The following PRKG1 variants were observed in gnomAD, a reference collection of about 807,000 sequenced individuals.
The protein encoded by PRKG1 is protein kinase cGMP-dependent 1.
PRKG1 carries 35 observed loss-of-function variants against 88.1 expected under a neutral mutation model. That is an observed-to-expected ratio of 0.40 (90% CI 0.30 to 0.53). The LOEUF (loss-of-function observed/expected upper bound fraction) is 0.53, where lower values mean the gene tolerates loss of function less well. PRKG1 is among the 20% of genes least tolerant of loss of function. The pLI is 0.59. For missense variants in PRKG1, 540 were observed against 839.8 expected, an observed-to-expected ratio of 0.64 and a Z score of 4.41; for synonymous variants, 303 against 292.5, an observed-to-expected ratio of 1.04 and a Z score of -0.37.
At chr10:51,073,133 T>C (rs1225573808), upstream of PRKG1, among the ~76,000 whole-genome samples, 1 of 152,182 alleles carries the variant, frequency 6.6e-6, no homozygotes, top group East Asian at 1.9e-4. Context: ...GGCAGATATT[T>C]GGGGATTCTA....
intron 2 of PRKG1, among the ~76,000 whole-genome samples, chr10:51,310,347 A>G (rs1169123103): frequency 2.6e-5 from 4 of 152,242 alleles, no homozygotes; most frequent in Admixed American, 1.3e-4. Context: ...ACTTTTTAAA[A>G]AAGAACCTAT....
chr10:51,917,134 A>G (rs1316284658), intron 5 of PRKG1, among the ~76,000 whole-genome samples: 4 of 152,066 alleles, frequency 2.6e-5, no homozygotes, highest in Non-Finnish European at 5.9e-5. Context: ...CCTGCCCAAC[A>G]TGGTGAAACC....
chr10:51,131,303 A>G (rs1845560462), intron 1 of PRKG1, among the ~76,000 whole-genome samples: 3 of 152,220 alleles, frequency 2.0e-5, no homozygotes, highest in African/African-American at 7.2e-5. Context: ...ATTTTTGTAG[A>G]GTTTATTCTA....
chr10:51,585,788 A>G (rs1023918504), intron 3 of PRKG1, among the ~76,000 whole-genome samples: 2 of 152,204 alleles, frequency 1.3e-5, no homozygotes, highest in African/African-American at 2.4e-5. Context: ...CTACACAGCT[A>G]TAAGAAGGAG....
chr10:51,398,451 TATGGG>T (rs1837641027), intron 2 of PRKG1, among the ~76,000 whole-genome samples: 2 of 152,144 alleles, frequency 1.3e-5, no homozygotes, highest in African/African-American at 4.8e-5. Flanking sequence ...CATGGACTGA[TATGGG>T]GTCCACGCCC....
At chr10:52,134,306 A>G (rs1837345153) in intron 8 of PRKG1, among the ~76,000 whole-genome samples, 2 of 152,118 alleles carry the variant, frequency 1.3e-5, no homozygotes, top group South Asian at 4.1e-4. Flanking sequence ...GAAATGGGTT[A>G]TTTTTTTAGT....
chr10:51,334,777 T>A (rs1160422244), intron 2 of PRKG1, among the ~76,000 whole-genome samples: 1 of 151,778 alleles, frequency 6.6e-6, no homozygotes, highest in East Asian at 1.9e-4. Context: ...AATAGAGGAG[T>A]TAAAGAAGCT....
At chr10:51,310,719 G>A (rs914242166) in intron 2 of PRKG1, among the ~76,000 whole-genome samples, 1 of 151,994 alleles carries the variant, frequency 6.6e-6, no homozygotes, top group African/African-American at 2.4e-5. Flanking sequence ...ATGTTACTGA[G>A]TGCCTTCTAT....
At chr10:51,905,392 A>G (rs1236406937) in intron 4 of PRKG1, among the ~76,000 whole-genome samples, 1 of 152,192 alleles carries the variant, frequency 6.6e-6, no homozygotes, top group African/African-American at 2.4e-5. Flanking sequence ...TGCTTTTACC[A>G]AAAGAGAGCA....
intron 3 of PRKG1, among the ~76,000 whole-genome samples, chr10:51,658,336 G>T (rs1168152918): frequency 6.6e-6 from 1 of 152,056 alleles, no homozygotes; most frequent in Non-Finnish European, 1.5e-5. Context: ...CAGTCACCTA[G>T]ATTAAAATAC....
chr10:51,074,936 C>A (rs767735393), intron 1 of PRKG1, 35 bp downstream of exon 1: 1 of 1,548,252 alleles, frequency 6.5e-7, no homozygotes, highest in East Asian at 2.4e-5. Context: ...CCATGTGGCG[C>A]CCTGGCGATG....
At chr10:51,324,486 G>A (rs887515719) in intron 2 of PRKG1, among the ~76,000 whole-genome samples, 1 of 150,760 alleles carries the variant, frequency 6.6e-6, no homozygotes, top group African/African-American at 2.4e-5. Context: ...GGTGGCTCAC[G>A]CCAGGCCGAG....
At chr10:52,110,526 C>G (rs1323635348) in intron 7 of PRKG1, among the ~76,000 whole-genome samples, 1 of 151,790 alleles carries the variant, frequency 6.6e-6, no homozygotes, top group East Asian at 1.9e-4. Flanking sequence ...ATTTTTTTCT[C>G]AATTGAGAAA....
chr10:52,220,880 G>A (rs1840228518), intron 9 of PRKG1, among the ~76,000 whole-genome samples: 2 of 152,114 alleles, frequency 1.3e-5, no homozygotes. Context: ...ATGAACATCT[G>A]TATACATGTG....
At chr10:51,420,623 G>T (rs1838383184) in intron 2 of PRKG1, among the ~76,000 whole-genome samples, 1 of 152,130 alleles carries the variant, frequency 6.6e-6, no homozygotes, top group Middle Eastern at 3.2e-3. Context: ...GCTGACAAAG[G>T]TTTCACAACT....
intron 1 of PRKG1, among the ~76,000 whole-genome samples, chr10:51,044,553 C>T (rs1843463593): frequency 6.6e-6 from 1 of 151,944 alleles, no homozygotes; most frequent in Admixed American, 6.6e-5. Context: ...TCATTCAGAG[C>T]TTAGTAGGTA....
intron 1 of PRKG1, among the ~76,000 whole-genome samples, chr10:51,047,642 A>T (rs1031203525): frequency 6.7e-6 from 1 of 148,922 alleles, no homozygotes; most frequent in African/African-American, 2.5e-5. Context: ...AAAAGAGGAG[A>T]TGTTGCATCA....
chr10:52,061,564 T>C (rs1157915710), intron 6 of PRKG1, among the ~76,000 whole-genome samples: 6 of 152,106 alleles, frequency 3.9e-5, no homozygotes, highest in Non-Finnish European at 7.4e-5. Flanking sequence ...CATTATCACT[T>C]GCCTTCTGTT....
intron 3 of PRKG1, among the ~76,000 whole-genome samples, chr10:51,539,021 A>G (rs1461929406): frequency 6.6e-6 from 1 of 151,818 alleles, no homozygotes; most frequent in Non-Finnish European, 1.5e-5. Context: ...ATTCAACTTG[A>G]AAAGCTAGGT....
Sources: allele counts gnomAD v4.1 joint callset (sites outside exome capture counted in the v4.1 genomes callset), GRCh38; gene constraint gnomAD v4.1.1; transcripts MANE v1.5; gene names NCBI Gene and HGNC (gene_info 2026-07-23, HGNC 2026-07-21).